The following LEPR variants were observed in gnomAD, a reference collection of about 807,000 sequenced individuals.
LEPR encodes leptin receptor, also known as OB receptor.
A neutral mutation model predicts 114.7 loss-of-function variants in LEPR; 56 were observed. The ratio of observed to expected loss-of-function variants is 0.49; its 90% confidence interval spans 0.39 to 0.61. LEPR has a LOEUF of 0.61. Among genes scored for constraint, LEPR ranks in the 20% least tolerant of loss-of-function variants. The pLI is 0.00. For missense variants in LEPR, 1,202 were observed against 1,352.9 expected, an observed-to-expected ratio of 0.89 and a Z score of 1.75; for synonymous variants, 443 against 461.4, an observed-to-expected ratio of 0.96 and a Z score of 0.51.
Position 65,639,032 on chromosome 1 carries a change from AATT to A in LEPR, c.*2018_*2020del, listed in dbSNP as rs1658797514. 1 of 152,212 alleles carries A rather than the reference AATT, an allele frequency of 6.6e-6. No homozygotes were observed. Among genetic ancestry groups the A allele is most frequent in the African/African-American group, 2.4e-5 (1 of 41,444 alleles). The allele number at this position is 152,212 out of a possible 1,614,324, so 9.4% of individuals were successfully genotyped here. A position where few individuals can be genotyped will look rare whatever the true frequency, so the allele number is the denominator to read the frequency against. ...AAAAATAAATTTTGCCCCACTCTGA[AATT>A]GAAGACTGACCTCTGAGCATGTCCG... On this transcript the variant is annotated 3_prime_UTR_variant, in exon 20 of 20. Transcript: ENST00000349533.
At chr1:65,634,582 T>C in intron 19 of LEPR, 5 of 948,432 alleles carry the variant, frequency 5.3e-6, no homozygotes, top group Non-Finnish European at 6.3e-6. Flanking sequence ...TCTATCTGAA[T>C]GCATTGGAAG....
At chr1:65,524,531 C>CATA (rs1287447853) in intron 2 of LEPR, among the ~76,000 whole-genome samples, 1 of 152,200 alleles carries the variant, frequency 6.6e-6, no homozygotes, top group Non-Finnish European at 1.5e-5. Context: ...AGGTTCCTTC[C>CATA]ATAATGCACA....
intron 5 of LEPR, among the ~76,000 whole-genome samples, chr1:65,592,248 ATT>A (rs58700529): frequency 5.9e-5 from 7 of 117,732 alleles, no homozygotes; most frequent in Non-Finnish European, 8.8e-5. Flanking sequence ...ATCTGCTGTC[ATT>A]TTTTTTTTTT....
Position 65,615,769 on chromosome 1 carries a change from C to A in LEPR, c.1996-239C>A, listed in dbSNP as rs185446223. On this transcript the variant is annotated intron_variant, in intron 14 of 19. Transcript: ENST00000349533. ...TATTCTCTGGGCCTTAAGAAAAAAA[C>A]CTCAAAAAGGGGAAAATAAGTTTGC... Among the ~76,000 whole-genome samples the A allele has an allele frequency of 2.4e-3, 361 of 152,198 alleles. 2 individuals are homozygous for A. The highest frequency in any genetic ancestry group is 8.2e-3 in the African/African-American group (340 of 41,508).
intron 2 of LEPR, among the ~76,000 whole-genome samples, chr1:65,471,468 G>A (rs1647082082): frequency 6.6e-6 from 1 of 152,210 alleles, no homozygotes; most frequent in South Asian, 2.1e-4. Flanking sequence ...GTCCCAGAAA[G>A]CGTTAGGGAA....
At chr1:65,437,410 A>G (rs1646578663) in intron 2 of LEPR, among the ~76,000 whole-genome samples, 1 of 152,136 alleles carries the variant, frequency 6.6e-6, no homozygotes, top group Non-Finnish European at 1.5e-5. Flanking sequence ...AATGTGATAT[A>G]TCCATTCAAT....
At chr1:65,573,534 A>G (rs945251731) in intron 5 of LEPR, among the ~76,000 whole-genome samples, 5 of 152,320 alleles carry the variant, frequency 3.3e-5, no homozygotes, top group African/African-American at 9.6e-5. Flanking sequence ...CAAACAGCGA[A>G]TATGTCATTA....
chr1:65,471,590 A>T (rs1647083694), intron 2 of LEPR, among the ~76,000 whole-genome samples: 1 of 152,196 alleles, frequency 6.6e-6, no homozygotes, highest in Admixed American at 6.5e-5. Flanking sequence ...GACCTGGTTG[A>T]CCTGTTTTTC....
chr1:65,525,834 C>T (rs1185781160), intron 2 of LEPR: 24 of 985,248 alleles, frequency 2.4e-5, no homozygotes, highest in Non-Finnish European at 1.1e-5. Context: ...ACCTGCTTCC[C>T]TCTCCGACAC....
chr1:65,623,793 T>C (rs1658028265), intron 19 of LEPR, among the ~76,000 whole-genome samples: 1 of 152,172 alleles, frequency 6.6e-6, no homozygotes, highest in South Asian at 2.1e-4. Context: ...CTGAAGCTAT[T>C]AATAGTACTC....
chr1:65,545,679 T>C (rs377319625), intron 2 of LEPR, among the ~76,000 whole-genome samples: 1 of 152,250 alleles, frequency 6.6e-6, no homozygotes, highest in East Asian at 1.9e-4. Flanking sequence ...GTAAATTAGT[T>C]TGAGTTCATT....
At chr1:65,487,141 C>T (rs1647534055) in intron 2 of LEPR, among the ~76,000 whole-genome samples, 1 of 152,182 alleles carries the variant, frequency 6.6e-6, no homozygotes, top group South Asian at 2.1e-4. Flanking sequence ...AAAGTTTGCT[C>T]ATTCACCCAT....
intron 5 of LEPR, among the ~76,000 whole-genome samples, chr1:65,578,933 AGGAACCCAG>A (rs1333518745): frequency 6.6e-6 from 1 of 152,186 alleles, no homozygotes; most frequent in Non-Finnish European, 1.5e-5. Flanking sequence ...CACCCAGAGG[AGGAACCCAG>A]ATATAGTGCC....
chr1:65,431,822 G>T, intron 2 of LEPR: 1 of 1,613,778 alleles, frequency 6.2e-7, no homozygotes, highest in Non-Finnish European at 8.5e-7. Context: ...GGAGCCTGCG[G>T]CCTTGTGTTG....
At chr1:65,607,674 A>G (rs79843967) in intron 11 of LEPR, among the ~76,000 whole-genome samples, 3,674 of 152,326 alleles carry the variant, frequency 0.024, 162 homozygotes, top group South Asian at 0.2. Context: ...AGGGCTTCAG[A>G]GACGCACTGT....
At chr1:65,606,123 A>G (rs1417807970) in intron 11 of LEPR, among the ~76,000 whole-genome samples, 1 of 152,186 alleles carries the variant, frequency 6.6e-6, no homozygotes, top group Non-Finnish European at 1.5e-5. Context: ...ACACATTTGA[A>G]TTAAAACCTA....
At chr1:65,481,061 C>T (rs988740899) in intron 2 of LEPR, among the ~76,000 whole-genome samples, 1 of 152,140 alleles carries the variant, frequency 6.6e-6, no homozygotes, top group Non-Finnish European at 1.5e-5. Context: ...GGTTTGGTTT[C>T]CCCTGAGGCC....
chr1:65,550,668 G>T (rs1289222961), intron 2 of LEPR, among the ~76,000 whole-genome samples: 4 of 152,158 alleles, frequency 2.6e-5, no homozygotes, highest in African/African-American at 9.6e-5. Context: ...AAGCCTGTCG[G>T]AAAAGCTCAG....
chr1:65,443,623 T>C (rs1646677128), intron 2 of LEPR, among the ~76,000 whole-genome samples: 1 of 152,082 alleles, frequency 6.6e-6, no homozygotes. Context: ...GGAAAAATGA[T>C]TGGATGAGTT....
Sources: allele counts gnomAD v4.1 joint callset (sites outside exome capture counted in the v4.1 genomes callset), GRCh38; gene constraint gnomAD v4.1.1; transcripts MANE v1.5; gene names NCBI Gene and HGNC (gene_info 2026-07-23, HGNC 2026-07-21).